The following TRA2B variants were observed in gnomAD, a reference collection of about 807,000 sequenced individuals.
TRA2B encodes transformer 2 beta homolog, also known as transformer-2 protein homolog beta.
In TRA2B, 14 loss-of-function variants were observed where a neutral mutation model predicts 41.7. The observed-to-expected ratio is 0.34, with a 90% CI of 0.22 to 0.53. The LOEUF is 0.53. TRA2B is among the 20% of genes least tolerant of loss of function. The pLI, the probability that TRA2B is intolerant of heterozygous loss-of-function variation, is 0.95. For missense variants in TRA2B, 167 were observed against 396.8 expected (o/e 0.42, Z 4.92); for synonymous variants, 130 against 128.8 (o/e 1.01, Z -0.06).
At position 185,934,896 on chromosome 3, in the gene TRA2B, G is replaced by A. The variant is rs77440517; in HGVS notation, c.36+2929C>T. On this transcript the variant is annotated intron_variant, in intron 1 of 8. Coordinates refer to ENST00000453386, the MANE Select transcript of TRA2B (RefSeq NM_004593.3). ...AAATAATAGCCAGTATTCTATCAGA[G>A]TATCTGCTGGGTCAAAACATTTTCT... The A allele has an allele frequency of 7.1e-3, 6,953 of 985,350 alleles. 335 individuals are homozygous for A. The African/African-American group carries it at 0.11, about 16-fold the overall frequency. The allele number at this position is 985,350 out of a possible 1,614,324, so 61.0% of individuals were successfully genotyped here. A position where few individuals can be genotyped will look rare whatever the true frequency, so the allele number is the denominator to read the frequency against.
chr3:185,936,162 G>C, intron 1 of TRA2B: 1 of 985,362 alleles, frequency 1.0e-6, no homozygotes, highest in Non-Finnish European at 1.2e-6. Flanking sequence ...CAGTCATTTA[G>C]TATTTTTGAA....
chr3:185,937,029 C>T lies in TRA2B; in HGVS notation c.36+796G>A, dbSNP rs192886934. On this transcript the variant is annotated intron_variant, in intron 1 of 8. Coordinates refer to ENST00000453386, the MANE Select transcript of TRA2B (RefSeq NM_004593.3). ...GCCGTAAATGGTTGCCCGCCAATTT[C>T]TCCTTCACAATCCCGTGGAAATGCG... The T allele has an allele frequency of 1.6e-4, 159 of 985,418 alleles. 1 individual carries two copies. The East Asian group carries it at 0.011, about 69-fold the overall frequency. The allele number at this position is 985,418 out of a possible 1,614,324, so 61.0% of individuals were successfully genotyped here.
chr3:185,921,351 A>G (rs757726161), intron 5 of TRA2B, among the ~76,000 whole-genome samples, 164 bp from the exon 6 acceptor site: 4 of 152,190 alleles, frequency 2.6e-5, no homozygotes, highest in African/African-American at 4.8e-5. Flanking sequence ...TTGTTTCAAT[A>G]TATATAAACC....
chr3:185,926,470 A>G, intron 2 of TRA2B, 131 bp downstream of exon 2: 2 of 1,204,010 alleles, frequency 1.7e-6, no homozygotes, highest in Non-Finnish European at 1.1e-6. Flanking sequence ...CCCAGAACTT[A>G]AGTTCACTTC....
intron 1 of TRA2B, among the ~76,000 whole-genome samples, chr3:185,930,468 T>C (rs901346936): frequency 2.9e-4 from 44 of 152,122 alleles, no homozygotes; most frequent in Non-Finnish European, 4.6e-4. Flanking sequence ...CTCCAAGAAA[T>C]GCCATTTAAG....
intron 5 of TRA2B, 114 bp from the exon 6 acceptor site, chr3:185,921,301 T>TAA: frequency 1.2e-6 from 1 of 866,914 alleles, no homozygotes; most frequent in South Asian, 1.4e-5. Context: ...TTATTCCTGT[T>TAA]AAAATTCTCA....
Position 185,929,929 on chromosome 3 carries a change from C to T in TRA2B, c.37-3195G>A, listed in dbSNP as rs528956400. Among the ~76,000 whole-genome samples, 111 of 152,294 alleles carry T rather than the reference C, an allele frequency of 7.3e-4. 1 individual carries two copies. Among genetic ancestry groups the T allele is most frequent in the East Asian group, 7.7e-4 (4 of 5,182 alleles). ...CCTTCCTTGTTTTGACTCCCCTTAGCATTAATCAGACCTCTGATTAAGGCA... is the reference window on the plus strand; with the variant it reads ...CCTTCCTTGTTTTGACTCCCCTTAGTATTAATCAGACCTCTGATTAAGGCA... On this transcript the variant is annotated intron_variant, in intron 1 of 8. Transcript: ENST00000453386.
At chr3:185,934,773 A>G in intron 1 of TRA2B, 1 of 985,486 alleles carries the variant, frequency 1.0e-6, no homozygotes, top group Middle Eastern at 5.2e-4. Context: ...AAACTGCAGA[A>G]TTTGAAAAGC....
intron 4 of TRA2B, 200 bp downstream of exon 4, chr3:185,923,596 T>A: frequency 2.3e-6 from 1 of 433,006 alleles, no homozygotes; most frequent in Non-Finnish European, 4.0e-6. Flanking sequence ...TGGCAACTAA[T>A]AAAGCAGGTG....
chr3:185,918,840 C>T (rs1743604505), intron 7 of TRA2B, among the ~76,000 whole-genome samples: 1 of 151,536 alleles, frequency 6.6e-6, no homozygotes. Context: ...AAACCTGTCT[C>T]TACTAAAAAA....
At position 185,924,075 on chromosome 3, in the gene TRA2B, C is replaced by T. The variant is rs1434998342; in HGVS notation, c.334-91G>A. ...GAGCTGTATACTAGCCAAAATGTCA[C>T]TAACAAGAAAAGTACATAATGATTA... On this transcript the variant is annotated intron_variant, in intron 3 of 8. Transcript: ENST00000453386. 1.1e-5 allele frequency: 12 copies of T among 1,141,974 alleles called. No homozygotes were observed. In the Admixed American group the frequency reaches 3.0e-4, roughly 29 times the overall value. 70.7% of individuals were successfully genotyped at this position (1,141,974 alleles called of 1,614,324 possible).
intron 6 of TRA2B, among the ~76,000 whole-genome samples, chr3:185,920,297 GAAATTTGCTTTTATAAGCCATTAT>G (rs1368090681): frequency 6.6e-6 from 1 of 152,202 alleles, no homozygotes; most frequent in African/African-American, 2.4e-5. Context: ...AATGGCTTAT[GAAATTTGCTTTTATAAGCCATTAT>G]AAATTTGCTT....
Position 185,916,897 on chromosome 3 carries a change from T to C in TRA2B, c.*818A>G, listed in dbSNP as rs1403633409. The stretch of plus-strand genomic sequence containing the variant: ...CCATGACAGGTATAGTGTTCCCTTA[T>C]CATGTACTTTGAAGCACCCGGTTTT... On this transcript the variant is annotated 3_prime_UTR_variant, in exon 9 of 9. Transcript: ENST00000453386. 1 of 152,660 alleles carries C rather than the reference T, an allele frequency of 6.6e-6. No homozygotes were observed. 9.5% of individuals were successfully genotyped at this position (152,660 alleles called of 1,614,324 possible).
intron 8 of TRA2B, among the ~76,000 whole-genome samples, chr3:185,918,119 G>T (rs1258792150): frequency 6.6e-6 from 1 of 152,168 alleles, no homozygotes; most frequent in Non-Finnish European, 1.5e-5. Context: ...ATTTCAGTTA[G>T]AAACAACAGG....
At chr3:185,929,744 T>TA (rs952795073) in intron 1 of TRA2B, among the ~76,000 whole-genome samples, 3 of 152,200 alleles carry the variant, frequency 2.0e-5, no homozygotes, top group Admixed American at 6.5e-5. Flanking sequence ...TGTGGTTTGT[T>TA]AGATTTAAAA....
At chr3:185,924,725 T>C (rs1485439577) in intron 3 of TRA2B, 1 of 152,342 alleles carries the variant, frequency 6.6e-6, no homozygotes, top group Admixed American at 6.5e-5. Context: ...GGTGGGCGGA[T>C]CGCTTAAGCC....
rs1188561599 is a variant in TRA2B, at chr3:185,921,144, G to A, written c.682C>T (p.Arg228Trp). 1.2e-6 allele frequency: 2 copies of A among 1,613,958 alleles called. No individual in the cohort carries two copies. The highest frequency in any genetic ancestry group is 8.5e-7 in the Non-Finnish European group (1 of 1,180,024). ...RRDYYDRGYDRGYDDRDYYSR... is the reference protein window; with the variant it reads ...RRDYYDRGYDWGYDDRDYYSR... ...TAGTAGTCCCGATCATCATAGCCCC[G>A]ATCATATCCTCTGTCATAGTAATCC... is the stretch of plus-strand genomic sequence containing the variant. The change falls in exon 6 of 9, where the codon CGG becomes TGG. Residue 228 changes from arginine (R) to tryptophan (W), a missense_variant. Physicochemically the swap from Arg to Trp is moderately radical, Grantham distance 101 (BLOSUM62 -3). Transcript: ENST00000453386.
chr3:185,923,472 T>C (rs1743817956), intron 4 of TRA2B: 1 of 184,648 alleles, frequency 5.4e-6, no homozygotes, highest in Admixed American at 6.1e-5. Context: ...GGAACAATGT[T>C]TTCCTTCTGC....
At chr3:185,922,193 G>A (rs761115647) in intron 4 of TRA2B, 67 bp from the exon 5 acceptor site, 148 of 1,160,888 alleles carry the variant, frequency 1.3e-4, no homozygotes, top group Non-Finnish European at 1.8e-4. Flanking sequence ...GTGGCTATGA[G>A]TAAGATCCCA....
Sources: allele counts gnomAD v4.1 joint callset (sites outside exome capture counted in the v4.1 genomes callset), GRCh38; gene constraint gnomAD v4.1.1; transcripts MANE v1.5; gene names NCBI Gene and HGNC (gene_info 2026-07-23, HGNC 2026-07-21).